The following PRKAR1B variants were observed in gnomAD, a reference collection of about 807,000 sequenced individuals.
PRKAR1B encodes protein kinase cAMP-dependent type I regulatory subunit beta.
Under a neutral mutation model 46.5 loss-of-function variants are expected in PRKAR1B, and 22 were observed. That is an observed-to-expected ratio of 0.47 (90% confidence interval 0.34 to 0.68). The LOEUF is 0.68. PRKAR1B is among the 30% of genes least tolerant of loss of function. The pLI, the probability that PRKAR1B is intolerant of heterozygous loss-of-function variation, is 0.01. For synonymous variants in PRKAR1B, 259 were observed against 217.7 expected, an observed-to-expected ratio of 1.19 and a Z score of -1.67; for missense variants, 445 against 535.6, an observed-to-expected ratio of 0.83 and a Z score of 1.67.
chr7:556,265 G>A (rs1297067604), intron 9 of PRKAR1B, among the ~76,000 whole-genome samples: 10 of 151,600 alleles, frequency 6.6e-5, no homozygotes, highest in South Asian at 4.2e-4. Context: ...TTTAGGCCAC[G>A]GAGGAAACTT....
intron 9 of PRKAR1B, among the ~76,000 whole-genome samples, chr7:566,251 TGACA>T (rs1779124474): frequency 9.6e-6 from 1 of 104,624 alleles, no homozygotes; most frequent in Admixed American, 8.9e-5. Flanking sequence ...ATCATCACCA[TGACA>T]TCATCATCAC....
chr7:583,342 C>A, intron 8 of PRKAR1B, among the ~76,000 whole-genome samples: 1 of 152,028 alleles, frequency 6.6e-6, no homozygotes, highest in Non-Finnish European at 1.5e-5. Flanking sequence ...TGCATACACA[C>A]ACGTGCACAC....
intron 1 of PRKAR1B, 80 bp downstream of exon 1, chr7:727,130 C>A: frequency 8.3e-7 from 1 of 1,201,306 alleles, no homozygotes; most frequent in Non-Finnish European, 1.0e-6. Context: ...CCGCCCGAGG[C>A]CTGTGAGGAG....
intron 4 of PRKAR1B, among the ~76,000 whole-genome samples, chr7:628,406 C>T (rs972826106): frequency 1.3e-5 from 2 of 152,240 alleles, no homozygotes; most frequent in Non-Finnish European, 2.9e-5. Flanking sequence ...GGGGTCCCCT[C>T]CAGAGGCCTC....
At chr7:575,344 C>A (rs1471099247) in intron 9 of PRKAR1B, among the ~76,000 whole-genome samples, 1 of 152,212 alleles carries the variant, frequency 6.6e-6, no homozygotes, top group Admixed American at 6.5e-5. Flanking sequence ...GAAGAGCATC[C>A]CGGGAGCAGG....
intron 10 of PRKAR1B, 87 bp from the exon 11 acceptor site, chr7:550,689 G>A (rs995129188): frequency 9.2e-6 from 11 of 1,198,386 alleles, no homozygotes; most frequent in Admixed American, 5.9e-5. Flanking sequence ...CCTGGAAGCG[G>A]CTCCCTTTTA....
intron 9 of PRKAR1B, among the ~76,000 whole-genome samples, chr7:553,384 G>C (rs9801426): frequency 0.52 from 79,408 of 152,104 alleles, 22,332 homozygotes; most frequent in African/African-American, 0.74. Flanking sequence ...CGCTCCGACC[G>C]GTCCCTAGTC....
chr7:582,903 G>T (rs1372223155), intron 8 of PRKAR1B, among the ~76,000 whole-genome samples: 1 of 152,258 alleles, frequency 6.6e-6, no homozygotes, highest in Non-Finnish European at 1.5e-5. Context: ...AAATCTGGCG[G>T]ACCAACTCGT....
intron 6 of PRKAR1B, 151 bp from the exon 7 acceptor site, chr7:596,455 TC>T: frequency 2.1e-6 from 2 of 961,202 alleles, no homozygotes; most frequent in Non-Finnish European, 3.0e-6. Context: ...AGCCCTGCGT[TC>T]CCCAGCAATG....
chr7:636,384 CCGGCCGCGCCCT>C lies in PRKAR1B; in HGVS notation c.441-28944_441-28933del, dbSNP rs1341540835. Among the ~76,000 whole-genome samples the C allele has an allele frequency of 5.9e-4, 38 of 63,934 alleles. 1 individual carries two copies. The highest frequency in any genetic ancestry group is 2.3e-3 in the South Asian group (4 of 1,710). The allele number at this position is 63,934 out of a possible 152,430, so 41.9% of individuals were successfully genotyped here. A position where few individuals can be genotyped will look rare whatever the true frequency, so the allele number is the denominator to read the frequency against. ...ACCGGCCGCGCCCACACGTCCTCCA[CCGGCCGCGCCCT>C]CACGTCCTCCACCGGCCGCGCCCAC... is the stretch of plus-strand genomic sequence containing the variant. On this transcript the variant is annotated intron_variant, in intron 4 of 10. Coordinates refer to ENST00000537384, the MANE Select transcript of PRKAR1B (RefSeq NM_001164760.2).
In PRKAR1B at chr7:560,447, T is replaced by C. The variant is rs931124396; in HGVS notation, c.892-8977A>G. ...CCATAAATGGAAACTGCTATCACTT[T>C]CCATAAATTAAAAAGTAACTAAAAG... On this transcript the variant is annotated intron_variant, in intron 9 of 10. Coordinates refer to ENST00000537384, the MANE Select transcript of PRKAR1B (RefSeq NM_001164760.2). This position sits in a 1 kb window ranked among gnomAD's most constrained non-coding sequence, Gnocchi z 4.2. 6.6e-6 allele frequency among the ~76,000 whole-genome samples: 1 copy of C among 152,002 alleles called. No homozygotes were observed. Among genetic ancestry groups the C allele is most frequent in the Non-Finnish European group, 1.5e-5 (1 of 67,998 alleles).
At chr7:706,715 G>A (rs1780350463) in intron 2 of PRKAR1B, among the ~76,000 whole-genome samples, 1 of 151,364 alleles carries the variant, frequency 6.6e-6, no homozygotes, top group Non-Finnish European at 1.5e-5. Flanking sequence ...ATGAGCCACC[G>A]CGCCCGGCCC....
chr7:570,424 G>T (rs778247150), intron 9 of PRKAR1B, among the ~76,000 whole-genome samples: 1 of 152,160 alleles, frequency 6.6e-6, no homozygotes, highest in Admixed American at 6.5e-5. Flanking sequence ...CCGCTCTTGC[G>T]TAGCCTCGCC....
At chr7:700,453 A>T (rs752347026) in intron 2 of PRKAR1B, among the ~76,000 whole-genome samples, 1 of 152,264 alleles carries the variant, frequency 6.6e-6, no homozygotes, top group African/African-American at 2.4e-5. Context: ...GATATAATCC[A>T]GTTCCTTGAC....
intron 1 of PRKAR1B, among the ~76,000 whole-genome samples, chr7:717,386 G>A (rs959456062): frequency 3.9e-5 from 6 of 152,116 alleles, no homozygotes; most frequent in South Asian, 2.1e-4. Flanking sequence ...GCCAGGCATC[G>A]TGGCTCATGC....
At chr7:592,538 C>T (rs984264271) in intron 7 of PRKAR1B, among the ~76,000 whole-genome samples, 11 of 152,222 alleles carry the variant, frequency 7.2e-5, no homozygotes, top group African/African-American at 2.7e-4. Context: ...TGTGCCGAGT[C>T]ACTCCGGATA....
At chr7:662,646 C>G (rs1785673781) in intron 4 of PRKAR1B, among the ~76,000 whole-genome samples, 1 of 150,854 alleles carries the variant, frequency 6.6e-6, no homozygotes, top group Non-Finnish European at 1.5e-5. Flanking sequence ...CGCCATGCCA[C>G]AGGTCCCCAC....
chr7:621,438 A>G (rs1434586228), intron 4 of PRKAR1B, among the ~76,000 whole-genome samples: 2 of 152,250 alleles, frequency 1.3e-5, no homozygotes, highest in East Asian at 1.9e-4. Flanking sequence ...AAAAGAAAAT[A>G]AAAAGAAAAG....
intron 2 of PRKAR1B, among the ~76,000 whole-genome samples, chr7:701,070 C>T (rs1780032044): frequency 6.6e-6 from 1 of 152,016 alleles, no homozygotes; most frequent in Non-Finnish European, 1.5e-5. Context: ...CATCTGCAAT[C>T]CCAGCTACTC....
Sources: gnomAD v4.1 joint callset for allele counts (sites outside exome capture counted in the v4.1 genomes callset) on GRCh38, gnomAD v4.1.1 for gene constraint, Gnocchi (gnomAD v3.1) non-coding constraint, MANE v1.5 for transcripts, NCBI Gene and HGNC (gene_info 2026-07-23, HGNC 2026-07-21) for gene names.